The following PKD1L3 variants were observed in gnomAD, a reference collection of about 807,000 sequenced individuals.
PKD1L3 encodes the protein polycystin-1-like protein 3.
PKD1L3 carries 239 observed loss-of-function variants against 184.1 expected under a neutral mutation model. The ratio of observed to expected loss-of-function variants is 1.30; its 90% CI spans 1.17 to 1.45. The LOEUF is 1.45. PKD1L3 is among the 40% of genes most tolerant of loss of function. The pLI is 0.00. For synonymous variants in PKD1L3, 996 were observed against 778.8 expected (o/e 1.28, Z -4.64); for missense variants, 2,660 against 2,067.2 (o/e 1.29, Z -5.56).
intron 2 of PKD1L3, among the ~76,000 whole-genome samples, chr16:71,995,973 A>C (rs1268953840): frequency 6.6e-6 from 1 of 152,070 alleles, no homozygotes; most frequent in Non-Finnish European, 1.5e-5. Flanking sequence ...GTTTATTTTT[A>C]ATTTGCATTA....
At chr16:71,979,003 T>C (rs2040044766) in intron 9 of PKD1L3, among the ~76,000 whole-genome samples, 1 of 152,250 alleles carries the variant, frequency 6.6e-6, no homozygotes, top group South Asian at 2.1e-4. Flanking sequence ...GATTCTATTT[T>C]ACTAGGAAGT....
intron 16 of PKD1L3, among the ~76,000 whole-genome samples, chr16:71,962,425 A>G (rs1192719953): frequency 6.6e-6 from 1 of 152,180 alleles, no homozygotes; most frequent in African/African-American, 2.4e-5. Flanking sequence ...GTTGATACGT[A>G]TATTATACCG....
In PKD1L3 at chr16:71,986,104, C is replaced by T. The variant is rs2040350989; in HGVS notation, c.834+117G>A. On this transcript the variant is annotated intron_variant, in intron 5 of 29. Coordinates refer to ENST00000620267, the MANE Select transcript of PKD1L3 (RefSeq NM_181536.2). Reference sequence around the variant, plus strand: ...TTGTTTAGTTTTTGTTTTGGATTGGCATATACGCTGGTCTGTCAGGCATTC... The same window carrying T: ...TTGTTTAGTTTTTGTTTTGGATTGGTATATACGCTGGTCTGTCAGGCATTC... 4.9e-5 allele frequency: 65 copies of T among 1,330,276 alleles called. No homozygotes were observed. In the South Asian group the frequency reaches 8.5e-4, roughly 17 times the overall value. 82.4% of individuals were successfully genotyped at this position (1,330,276 alleles called of 1,614,324 possible). A position where few individuals can be genotyped will look rare whatever the true frequency, so the allele number is the denominator to read the frequency against.
chr16:71,942,490 C>G, intron 24 of PKD1L3, 70 bp downstream of exon 24: 1 of 1,309,278 alleles, frequency 7.6e-7, no homozygotes, highest in South Asian at 1.5e-5. Flanking sequence ...AAACCACATT[C>G]CTGGTTTTGC....
Position 71,968,389 on chromosome 16 carries a change from T to G in PKD1L3, c.2185-382A>C, listed in dbSNP as rs375463115. Among the ~76,000 whole-genome samples, 10 of 152,306 alleles carry G rather than the reference T, an allele frequency of 6.6e-5. 1 individual carries two copies. The highest frequency in any genetic ancestry group is 2.4e-4 in the African/African-American group (10 of 41,566). On this transcript the variant is annotated intron_variant, in intron 13 of 29. Coordinates refer to ENST00000620267, the MANE Select transcript of PKD1L3 (RefSeq NM_181536.2). ...CTTACACTAACGATGCACTGTTCAT[T>G]TAAAATGCAAATTTAACTAGGTAGC...
At chr16:71,948,953 T>TA (rs1310179116) in intron 21 of PKD1L3, among the ~76,000 whole-genome samples, 2 of 152,084 alleles carry the variant, frequency 1.3e-5, no homozygotes, top group Admixed American at 6.6e-5. Flanking sequence ...TTTGTATTTA[T>TA]ATTTATTTTC....
intron 21 of PKD1L3, among the ~76,000 whole-genome samples, chr16:71,949,529 T>C (rs1378400194): frequency 6.6e-6 from 1 of 152,014 alleles, no homozygotes; most frequent in African/African-American, 2.4e-5. Flanking sequence ...TTTTTTCTAA[T>C]TTTTGTAGAC....
At chr16:71,958,681 TG>T (rs2039145584) in intron 16 of PKD1L3, among the ~76,000 whole-genome samples, 1 of 145,442 alleles carries the variant, frequency 6.9e-6, no homozygotes, top group African/African-American at 2.6e-5. Flanking sequence ...CTCAGGAGGC[TG>T]AGGCAGGAGA....
chr16:71,938,682 C>T (rs569943115), intron 24 of PKD1L3, among the ~76,000 whole-genome samples: 28 of 152,364 alleles, frequency 1.8e-4, no homozygotes, highest in African/African-American at 5.5e-4. Flanking sequence ...GGGCAGATGG[C>T]AGGATGACCT....
At chr16:71,999,600 A>G (rs2040900317) in intron 1 of PKD1L3, 84 bp downstream of exon 1, 3 of 1,286,120 alleles carry the variant, frequency 2.3e-6, no homozygotes, top group Non-Finnish European at 3.1e-6. Context: ...AAAAGCAGAA[A>G]GATTAAGATT....
rs531831342 is a variant in PKD1L3 at position 71,957,889 on chromosome 16, C to G, written c.2613-3588G>C. 2.0e-5 allele frequency among the ~76,000 whole-genome samples: 3 copies of G among 152,272 alleles called. No individual in the cohort carries two copies. In the South Asian group the frequency reaches 6.2e-4, roughly 32 times the overall value. ...AGCCAAAGACATTTTATTAAAGGGTCAATTAAGAAGATAAATTCATCTGTG... is the reference window on the plus strand; with the variant it reads ...AGCCAAAGACATTTTATTAAAGGGTGAATTAAGAAGATAAATTCATCTGTG... On this transcript the variant is annotated intron_variant, in intron 16 of 29. Transcript: ENST00000620267.
At chr16:71,945,289 T>C (rs1450373700) in intron 22 of PKD1L3, among the ~76,000 whole-genome samples, 6 of 64,430 alleles carry the variant, frequency 9.3e-5, no homozygotes, top group Non-Finnish European at 1.3e-4. Context: ...TATATATATA[T>C]ATATATATAT....
At chr16:71,983,663 C>CTTTTTTTTTTT (rs1180950058) in intron 6 of PKD1L3, among the ~76,000 whole-genome samples, 6 of 100,330 alleles carry the variant, frequency 6.0e-5, no homozygotes, top group South Asian at 3.0e-4. Flanking sequence ...GATTCTCTTT[C>CTTTTTTTTTTT]TTTTTTTTTT....
chr16:71,932,926 A>G (rs1169532760), intron 28 of PKD1L3, among the ~76,000 whole-genome samples: 2 of 151,260 alleles, frequency 1.3e-5, no homozygotes, highest in African/African-American at 4.9e-5. Flanking sequence ...GGCTAGGACT[A>G]CAGGTGCATG....
chr16:71,991,788 C>A (rs1247153776), intron 3 of PKD1L3, among the ~76,000 whole-genome samples: 1 of 152,100 alleles, frequency 6.6e-6, no homozygotes, highest in Non-Finnish European at 1.5e-5. Context: ...GAAAAGTAAC[C>A]TAGATACACA....
At chr16:71,941,929 A>G (rs2038375847) in intron 24 of PKD1L3, among the ~76,000 whole-genome samples, 2 of 152,034 alleles carry the variant, frequency 1.3e-5, no homozygotes, top group African/African-American at 2.4e-5. Context: ...AAAAAACCTA[A>G]AAACTTTTGG....
chr16:71,963,556 T>C (rs1597329162), intron 15 of PKD1L3, among the ~76,000 whole-genome samples: 1 of 152,050 alleles, frequency 6.6e-6, no homozygotes, highest in South Asian at 2.1e-4. Flanking sequence ...CTGAGGCAGG[T>C]GGATTGCTTG....
chr16:71,991,422 A>T (rs1488179729), intron 3 of PKD1L3: 1 of 156,764 alleles, frequency 6.4e-6, no homozygotes, highest in Non-Finnish European at 1.5e-5. Context: ...GGTACATTAA[A>T]AGAAAAATAA....
chr16:71,933,341 G>A, intron 28 of PKD1L3, 79 bp downstream of exon 28: 1 of 1,009,316 alleles, frequency 9.9e-7, no homozygotes, highest in South Asian at 1.4e-5. Context: ...TACAGTAGGG[G>A]GCTGTTTTCA....
Sources: allele counts gnomAD v4.1 joint callset (sites outside exome capture counted in the v4.1 genomes callset), GRCh38; gene constraint gnomAD v4.1.1; transcripts MANE v1.5; gene names NCBI Gene and HGNC (gene_info 2026-07-23, HGNC 2026-07-21).